Variants in MTCL1 observed in about 807,000 individuals in gnomAD.
MTCL1 encodes microtubule crosslinking factor 1, also known as microtubule cross-linking factor 1.
MTCL1 carries 79 observed loss-of-function variants against 141.4 expected under a neutral mutation model. The observed-to-expected ratio is 0.56, with a 90% CI of 0.47 to 0.67. MTCL1 has a LOEUF of 0.67. Among genes scored for constraint, MTCL1 ranks in the 30% least tolerant of loss-of-function variants. The probability of loss-of-function intolerance (pLI) is 0.00; values close to 1 mark genes in which losing one functional copy is unlikely to be tolerated. For missense variants in MTCL1, 2,177 were observed against 2,113.9 expected (o/e 1.03, Z -0.59); for synonymous variants, 914 against 875.8 (o/e 1.04, Z -0.77).
At chr18:8,743,146 A>C (rs1424083179) in intron 4 of MTCL1, among the ~76,000 whole-genome samples, 1 of 152,236 alleles carries the variant, frequency 6.6e-6, no homozygotes, top group Non-Finnish European at 1.5e-5. Context: ...AGATAGTCTA[A>C]TTGTGATTCA....
intron 8 of MTCL1, among the ~76,000 whole-genome samples, chr18:8,793,539 G>C (rs2075811397): frequency 6.6e-6 from 1 of 152,188 alleles, no homozygotes; most frequent in African/African-American, 2.4e-5. Context: ...CGCAACTTGA[G>C]CTGTGGCCTC....
chr18:8,732,622 G>C (rs540245996), intron 4 of MTCL1, among the ~76,000 whole-genome samples: 1 of 152,150 alleles, frequency 6.6e-6, no homozygotes, highest in South Asian at 2.1e-4. Context: ...AAAATCATTC[G>C]CATTGAAAAG....
chr18:8,711,059 T>A (rs1421897239), intron 1 of MTCL1, among the ~76,000 whole-genome samples: 1 of 151,674 alleles, frequency 6.6e-6, no homozygotes, highest in African/African-American at 2.4e-5. Context: ...TCCTCGACAG[T>A]CCCCAGAGTG....
At chr18:8,806,986 C>T (rs770160554) in exon 11 of MTCL1, 1 of 1,613,916 alleles carries the variant, frequency 6.2e-7, no homozygotes, top group Non-Finnish European at 8.5e-7. Flanking sequence ...CCGACTACGG[C>T]TGCAGCAGCA....
intron 8 of MTCL1, among the ~76,000 whole-genome samples, chr18:8,794,765 A>C (rs1454449662): frequency 2.6e-5 from 4 of 152,186 alleles, no homozygotes; most frequent in Non-Finnish European, 5.9e-5. Flanking sequence ...TCTGTTCCTC[A>C]TTGTTCTTGT....
intron 11 of MTCL1, among the ~76,000 whole-genome samples, chr18:8,807,910 G>T (rs690266): frequency 6.6e-6 from 1 of 151,386 alleles, no homozygotes; most frequent in African/African-American, 2.4e-5. Context: ...GTAAAATTTT[G>T]TAGGGATTGG....
intron 7 of MTCL1, among the ~76,000 whole-genome samples, chr18:8,788,143 G>A (rs570528461): frequency 6.6e-6 from 1 of 152,308 alleles, no homozygotes; most frequent in Admixed American, 6.5e-5. Context: ...CCCGGCCAGA[G>A]ACTCACACAG....
In MTCL1 at chr18:8,808,307, A is replaced by G. The variant is rs185118523; in HGVS notation, c.2604+1247A>G. On this transcript the variant is annotated intron_variant, in intron 11 of 16. Transcript: ENST00000359865. Reference sequence around the variant, plus strand: ...TGTCTTTAACCCTATTAAAAAAAATATGTTTATAGGGGGAGTTAAGTGTTT... The same window carrying G: ...TGTCTTTAACCCTATTAAAAAAAATGTGTTTATAGGGGGAGTTAAGTGTTT... 7.4e-4 allele frequency among the ~76,000 whole-genome samples: 106 copies of G among 143,596 alleles called. 1 individual carries two copies. The highest frequency in any genetic ancestry group is 4.7e-4 in the South Asian group (2 of 4,248). 94.2% of individuals were successfully genotyped at this position (143,596 alleles called of 152,430 possible).
At position 8,760,013 on chromosome 18, in the gene MTCL1, C is replaced by G. The variant is rs192434951; in HGVS notation, c.358-17820C>G. ...TAAAGTAGGTCAGAAGCGACTCCAGCTGTATGAGAAGCGCTTAGACCCCTA... is the reference window on the plus strand; with the variant it reads ...TAAAGTAGGTCAGAAGCGACTCCAGGTGTATGAGAAGCGCTTAGACCCCTA... On this transcript the variant is annotated intron_variant, in intron 4 of 16. Transcript: ENST00000359865. Among the ~76,000 whole-genome samples the G allele has an allele frequency of 3.9e-5, 6 of 152,294 alleles. No homozygotes were observed. The East Asian group carries it at 9.7e-4, about 25-fold the overall frequency.
chr18:8,716,358 G>C (rs1420643491), upstream of MTCL1, among the ~76,000 whole-genome samples: 1 of 152,176 alleles, frequency 6.6e-6, no homozygotes, highest in Admixed American at 6.5e-5. Context: ...AGAGTGGAGA[G>C]AACCTACATG....
At chr18:8,809,848 G>A (rs1299026804) in intron 11 of MTCL1, 4 of 466,422 alleles carry the variant, frequency 8.6e-6, no homozygotes, top group African/African-American at 7.8e-5. Flanking sequence ...AAAAGGGCTG[G>A]GCTGAAGATG....
rs745378714 is a variant in MTCL1 at position 8,799,388 on chromosome 18, A to G, written c.2436+1097A>G. Among the ~76,000 whole-genome samples, 14 of 152,186 alleles carry G rather than the reference A, an allele frequency of 9.2e-5. 1 individual carries two copies. The highest frequency in any genetic ancestry group is 1.2e-4 in the African/African-American group (5 of 41,458). On this transcript the variant is annotated intron_variant, in intron 10 of 16. Coordinates refer to ENST00000359865, the Ensembl canonical transcript of MTCL1. Reference sequence around the variant, plus strand: ...TTTCACACCTAAACAGCTGTTTCCTATGTACACCTGTCCCCACTTCATTCT... The same window carrying G: ...TTTCACACCTAAACAGCTGTTTCCTGTGTACACCTGTCCCCACTTCATTCT...
chr18:8,831,082 A>C (rs2077178061), intron 16 of MTCL1: 1 of 985,880 alleles, frequency 1.0e-6, no homozygotes, highest in African/African-American at 1.7e-5. Flanking sequence ...CTCCCAGTCA[A>C]TTTCAAATAA....
At chr18:8,796,081 T>G in intron 8 of MTCL1, 151 bp from the exon 8 acceptor site, 2 of 693,310 alleles carry the variant, frequency 2.9e-6, no homozygotes, top group Non-Finnish European at 4.9e-6. Context: ...CTGAAGCCCT[T>G]TATCAAACTG....
chr18:8,757,079 C>A (rs1260034912), intron 4 of MTCL1, among the ~76,000 whole-genome samples: 2 of 152,190 alleles, frequency 1.3e-5, no homozygotes, highest in African/African-American at 4.8e-5. Flanking sequence ...AAGATGTTGA[C>A]CTGCATTCTG....
intron 8 of MTCL1, among the ~76,000 whole-genome samples, chr18:8,794,157 T>G (rs2075831577): frequency 6.6e-6 from 1 of 152,226 alleles, no homozygotes; most frequent in South Asian, 2.1e-4. Context: ...GAAAGATAGA[T>G]TCCTAAGTAA....
At chr18:8,759,028 T>C (rs1052437036) in intron 4 of MTCL1, among the ~76,000 whole-genome samples, 8 of 152,168 alleles carry the variant, frequency 5.3e-5, no homozygotes, top group Admixed American at 1.3e-4. Flanking sequence ...GCAGGGGGTG[T>C]GGAGAGCATC....
At chr18:8,818,731 G>A (rs937643877) in intron 12 of MTCL1, among the ~76,000 whole-genome samples, 8 of 152,206 alleles carry the variant, frequency 5.3e-5, no homozygotes, top group African/African-American at 9.6e-5. Context: ...CACCATACTC[G>A]TACGTGGTTA....
At chr18:8,825,154 C>T in exon 15 of MTCL1, 1 of 1,583,298 alleles carries the variant, frequency 6.3e-7, no homozygotes, top group Non-Finnish European at 8.6e-7. Flanking sequence ...GGTCCCTTTC[C>T]CACAAGCAGA....
Sources: allele counts gnomAD v4.1 joint callset (sites outside exome capture counted in the v4.1 genomes callset), GRCh38; gene constraint gnomAD v4.1.1; transcripts MANE v1.5; gene names NCBI Gene and HGNC (gene_info 2026-07-23, HGNC 2026-07-21).